GPC5: variants seen among roughly 807,000 people sequenced by gnomAD.
GPC5 encodes glypican 5, also known as glypican-5.
In GPC5, 47 loss-of-function variants were observed where a neutral mutation model predicts 53.9. The ratio of observed to expected loss-of-function variants is 0.87; its 90% CI spans 0.69 to 1.11. The LOEUF (loss-of-function observed/expected upper bound fraction) is 1.11, where lower values mean the gene tolerates loss of function less well. Among genes scored for constraint, GPC5 ranks in the 50% most tolerant of loss-of-function variants. The pLI is 0.00. For missense variants in GPC5, 748 were observed against 713.1 expected (o/e 1.05, Z -0.56); for synonymous variants, 286 against 263.3 (o/e 1.09, Z -0.84).
chr13:92,645,203 T>G (rs1885727330), intron 7 of GPC5, among the ~76,000 whole-genome samples: 1 of 152,176 alleles, frequency 6.6e-6, no homozygotes, highest in Non-Finnish European at 1.5e-5. Flanking sequence ...TGGAGTGCAG[T>G]GGCATGATCT....
intron 5 of GPC5, among the ~76,000 whole-genome samples, chr13:91,846,948 G>T (rs971474743): frequency 2.0e-5 from 3 of 151,992 alleles, no homozygotes; most frequent in Non-Finnish European, 4.4e-5. Flanking sequence ...GGCTGGGCAC[G>T]GTGGCTCACT....
chr13:92,181,857 G>A (rs1566473397), intron 7 of GPC5, among the ~76,000 whole-genome samples: 1 of 152,162 alleles, frequency 6.6e-6, no homozygotes, highest in Non-Finnish European at 1.5e-5. Context: ...ATGGAAAGAT[G>A]CTGTCCTACA....
chr13:91,907,954 T>C lies in GPC5; in HGVS notation c.1298T>C (p.Val433Ala), dbSNP rs532444694. ...CTTGCTAGTTATACTCAGCGTGTGG[T>C]TGGAAATGGAATCAAAGCCCAGTCT... ...DIVKSYTQRV[V>A]GNGIKAQSGN... Residue 433 changes from valine to alanine, a missense_variant, in exon 6 of 8, where the codon GTT becomes GCT. By Grantham distance (64) the Val-to-Ala change is moderately conservative. Coordinates refer to ENST00000377067, the MANE Select transcript of GPC5 (RefSeq NM_004466.6). The C allele has an allele frequency of 8.1e-6, 13 of 1,595,282 alleles. No homozygotes were observed. The highest frequency in any genetic ancestry group is 6.7e-5 in the East Asian group (3 of 44,712).
intron 7 of GPC5, among the ~76,000 whole-genome samples, chr13:92,804,010 A>G (rs1254215722): frequency 6.6e-6 from 1 of 151,538 alleles, no homozygotes; most frequent in Non-Finnish European, 1.5e-5. Flanking sequence ...TGACTGGCGT[A>G]AAACTCAGAT....
chr13:92,839,654 A>G (rs915215815), intron 7 of GPC5, among the ~76,000 whole-genome samples: 1 of 152,136 alleles, frequency 6.6e-6, no homozygotes, highest in Admixed American at 6.5e-5. Flanking sequence ...ATGGCTGCAT[A>G]GTACTCCATG....
intron 7 of GPC5, among the ~76,000 whole-genome samples, chr13:92,359,934 G>GT (rs1034890671): frequency 1.3e-5 from 2 of 151,262 alleles, no homozygotes; most frequent in African/African-American, 2.4e-5. Flanking sequence ...AAGGTTGTTT[G>GT]TTTTTTTTCT....
intron 1 of GPC5, among the ~76,000 whole-genome samples, chr13:91,447,863 A>G (rs1336980558): frequency 6.6e-6 from 1 of 152,056 alleles, no homozygotes; most frequent in Non-Finnish European, 1.5e-5. Flanking sequence ...AGCTTTACTT[A>G]TAATCTAGTA....
chr13:92,206,173 T>C (rs1326174106), intron 7 of GPC5, among the ~76,000 whole-genome samples: 1 of 147,916 alleles, frequency 6.8e-6, no homozygotes, highest in African/African-American at 2.5e-5. Context: ...TTTTATTTTT[T>C]TTTTTTTTTT....
chr13:91,915,366 G>T (rs533734626), intron 6 of GPC5, among the ~76,000 whole-genome samples: 13 of 152,026 alleles, frequency 8.6e-5, no homozygotes, highest in Non-Finnish European at 8.8e-5. Context: ...TCAATTGTCC[G>T]CATAAAACAA....
chr13:92,348,077 C>A (rs2043442542), intron 7 of GPC5, among the ~76,000 whole-genome samples: 1 of 136,366 alleles, frequency 7.3e-6, no homozygotes, highest in Admixed American at 7.7e-5. Context: ...AAAGTATCTA[C>A]AAAACAACCA....
At chr13:92,624,260 G>C (rs1884976958) in intron 7 of GPC5, among the ~76,000 whole-genome samples, 1 of 151,986 alleles carries the variant, frequency 6.6e-6, no homozygotes, top group South Asian at 2.1e-4. Context: ...ATTAGAGACG[G>C]GGTTTTGCCC....
At chr13:91,507,254 G>A (rs1484163783) in intron 2 of GPC5, among the ~76,000 whole-genome samples, 1 of 152,134 alleles carries the variant, frequency 6.6e-6, no homozygotes, top group African/African-American at 2.4e-5. Flanking sequence ...ATGGCAGAAT[G>A]AGGAAGGGAG....
intron 6 of GPC5, among the ~76,000 whole-genome samples, chr13:91,933,547 G>T (rs1320325144): frequency 6.6e-6 from 1 of 151,882 alleles, no homozygotes. Flanking sequence ...TCCATGCAAT[G>T]AAGAAATGTT....
chr13:91,437,945 G>A (rs1880111918), intron 1 of GPC5, among the ~76,000 whole-genome samples: 1 of 152,038 alleles, frequency 6.6e-6, no homozygotes, highest in Non-Finnish European at 1.5e-5. Flanking sequence ...TTTTCTTCCA[G>A]TTGATCACAT....
intron 7 of GPC5, among the ~76,000 whole-genome samples, chr13:92,296,150 A>G (rs1419824707): frequency 2.0e-5 from 3 of 152,112 alleles, no homozygotes; most frequent in Non-Finnish European, 4.4e-5. Flanking sequence ...GTATACCAGC[A>G]CCTGTTCTGG....
intron 7 of GPC5, among the ~76,000 whole-genome samples, chr13:92,605,630 C>T (rs916054032): frequency 6.7e-6 from 1 of 149,296 alleles, no homozygotes; most frequent in African/African-American, 2.5e-5. Flanking sequence ...TCGCCCAGGC[C>T]GGACTGCGGA....
chr13:92,456,815 T>C (rs907102131), intron 7 of GPC5, among the ~76,000 whole-genome samples: 7 of 152,182 alleles, frequency 4.6e-5, no homozygotes, highest in African/African-American at 1.4e-4. Context: ...CTCAGCACTA[T>C]TGACATATTA....
chr13:91,825,463 G>C (rs1413903243), intron 5 of GPC5, among the ~76,000 whole-genome samples: 2 of 152,064 alleles, frequency 1.3e-5, no homozygotes, highest in African/African-American at 4.8e-5. Flanking sequence ...GAAAATATTT[G>C]AATCATAATG....
rs191544792 is a variant in GPC5, at chr13:91,566,347, C to T, written c.325+117425C>T. Reference sequence around the variant, plus strand: ...TTGGGAGGCTGAAGTGGGCAGATCACGAGGTCAAGAGATCGAGACCATTCT... The same window carrying T: ...TTGGGAGGCTGAAGTGGGCAGATCATGAGGTCAAGAGATCGAGACCATTCT... On this transcript the variant is annotated intron_variant, in intron 2 of 7. Transcript: ENST00000377067. Among the ~76,000 whole-genome samples, 68 of 152,072 alleles carry T rather than the reference C, an allele frequency of 4.5e-4. 1 individual carries two copies. In the East Asian group the frequency reaches 7.5e-3, roughly 17 times the overall value.
Sources: allele counts gnomAD v4.1 joint callset (sites outside exome capture counted in the v4.1 genomes callset), GRCh38; gene constraint gnomAD v4.1.1; transcripts MANE v1.5; gene names NCBI Gene and HGNC (gene_info 2026-07-23, HGNC 2026-07-21).